ZNF626: variants seen among roughly 807,000 people sequenced by gnomAD.
ZNF626 encodes the protein zinc finger protein 626, also known as CTC-513N18.7.
A neutral mutation model predicts 11.7 loss-of-function variants in ZNF626; 4 were observed. The ratio of observed to expected loss-of-function variants is 0.34; its 90% CI spans 0.17 to 0.78. The LOEUF (loss-of-function observed/expected upper bound fraction) is 0.78. ZNF626 is among the 30% of genes least tolerant of loss of function. ZNF626 has a pLI of 0.57. For missense variants in ZNF626, 588 were observed against 587.1 expected (o/e 1.00, Z -0.01); for synonymous variants, 179 against 198.6 (o/e 0.90, Z 0.83).
chr19:20,658,112 G>GA (rs797035719), intron 1 of ZNF626, among the ~76,000 whole-genome samples: 2,743 of 142,532 alleles, frequency 0.019, 102 homozygotes, highest in African/African-American at 0.067. Flanking sequence ...GCTAAAAAAA[G>GA]AAAAAAAAAA....
At chr19:20,652,970 C>G (rs1019973708) in intron 1 of ZNF626, among the ~76,000 whole-genome samples, 10 of 152,140 alleles carry the variant, frequency 6.6e-5, no homozygotes, top group Non-Finnish European at 1.3e-4. Context: ...AAAAGAGTCA[C>G]TGAAAGAGGT....
At position 20,625,077 on chromosome 19, in the gene ZNF626, A is replaced by AT; in HGVS notation, c.799dup (p.Met267AsnfsTer7). The AT allele has an allele frequency of 6.2e-7, 1 of 1,607,040 alleles. No homozygotes were observed. The highest frequency in any genetic ancestry group is 1.7e-5 in the Admixed American group (1 of 59,398). On this transcript the variant is annotated frameshift_variant, in exon 4 of 4. Transcript: ENST00000601440. LOFTEE classifies it low-confidence loss of function (END_TRUNC). ...ATGTTTACTAAGGGTTGAGGATGAC[A>AT]TAAAGGCTTTGCCACATTTATCACA...
At chr19:20,625,875 AC>A (rs1294489755) in intron 3 of ZNF626, among the ~76,000 whole-genome samples, 1 of 152,182 alleles carries the variant, frequency 6.6e-6, no homozygotes. Flanking sequence ...CCAGGTGAGC[AC>A]AATGCAAACG....
Position 20,623,997 on chromosome 19 carries a change from T to C in ZNF626, c.*293A>G. The C allele has an allele frequency of 1.8e-6, 1 of 564,332 alleles. No individual in the cohort carries two copies. The highest frequency in any genetic ancestry group is 3.3e-5 in the East Asian group (1 of 30,058). The allele number at this position is 564,332 out of a possible 1,614,324, so 35.0% of individuals were successfully genotyped here. On this transcript the variant is annotated 3_prime_UTR_variant, in exon 4 of 4. Transcript: ENST00000601440. ...AAATTGAGGGCTGGTTAAAAGATTT[T>C]CCCCATTCATCACATTCACATGGTT... is the stretch of plus-strand genomic sequence containing the variant.
intron 3 of ZNF626, among the ~76,000 whole-genome samples, chr19:20,629,873 G>A (rs527740503): frequency 1.3e-5 from 2 of 152,294 alleles, no homozygotes; most frequent in South Asian, 4.1e-4. Context: ...CAAAGGACAT[G>A]CTTCCAGTTT....
intron 1 of ZNF626, among the ~76,000 whole-genome samples, chr19:20,656,560 C>G (rs7246297): frequency 0.011 from 1,614 of 151,872 alleles, 28 homozygotes; most frequent in African/African-American, 0.037. Flanking sequence ...GTCTAACATA[C>G]AGAATTTATT....
At position 20,623,939 on chromosome 19, in the gene ZNF626, TAG is replaced by T. The variant is rs782680513; in HGVS notation, c.*349_*350del. 3.8e-4 allele frequency: 150 copies of T among 393,396 alleles called. No individual in the cohort carries two copies. The highest frequency in any genetic ancestry group is 1.1e-3 in the Middle Eastern group (3 of 2,682). The allele number at this position is 393,396 out of a possible 1,614,324, so 24.4% of individuals were successfully genotyped here. A position where few individuals can be genotyped will look rare whatever the true frequency, so the allele number is the denominator to read the frequency against. On this transcript the variant is annotated 3_prime_UTR_variant, in exon 4 of 4. Transcript: ENST00000601440. ...AAATCTGTCACATTCTTTATATTTG[TAG>T]AGTTTATATTTCATATCAATTCTTA...
intron 1 of ZNF626, among the ~76,000 whole-genome samples, chr19:20,655,131 A>G (rs749443414): frequency 1.7e-4 from 26 of 152,178 alleles, no homozygotes; most frequent in Non-Finnish European, 2.8e-4. Context: ...AAATGAAAAT[A>G]TGGTTTAATT....
intron 1 of ZNF626, among the ~76,000 whole-genome samples, chr19:20,661,069 G>A (rs1272313989): frequency 6.6e-6 from 1 of 152,208 alleles, no homozygotes; most frequent in African/African-American, 2.4e-5. Flanking sequence ...GGAGAAAAGA[G>A]AAACTGTAAA....
intron 3 of ZNF626, among the ~76,000 whole-genome samples, chr19:20,639,394 T>C (rs1322080008): frequency 2.6e-5 from 4 of 151,614 alleles, no homozygotes; most frequent in African/African-American, 9.7e-5. Flanking sequence ...CAAAATATTC[T>C]TATTTGCATC....
chr19:20,640,344 G>A (rs1168711707), intron 3 of ZNF626, among the ~76,000 whole-genome samples: 1 of 113,916 alleles, frequency 8.8e-6, no homozygotes, highest in Non-Finnish European at 1.7e-5. Context: ...CATGACACTG[G>A]TTTGGCACAA....
intron 1 of ZNF626, among the ~76,000 whole-genome samples, chr19:20,660,593 T>G (rs1289412743): frequency 6.6e-6 from 1 of 152,012 alleles, no homozygotes; most frequent in Admixed American, 6.6e-5. Flanking sequence ...CGCCGATAGT[T>G]TTCGTATTTT....
At chr19:20,628,552 C>G (rs1169648864) in intron 3 of ZNF626, among the ~76,000 whole-genome samples, 5 of 152,092 alleles carry the variant, frequency 3.3e-5, no homozygotes, top group African/African-American at 1.2e-4. Flanking sequence ...ATTTTTTCAT[C>G]TGTTTTTTTG....
intron 3 of ZNF626, among the ~76,000 whole-genome samples, chr19:20,639,905 A>AT (rs1970005112): frequency 6.6e-6 from 1 of 152,168 alleles, no homozygotes; most frequent in Non-Finnish European, 1.5e-5. Context: ...AAAAAATTTC[A>AT]TTTTTCACAA....
chr19:20,625,039 T>A lies in ZNF626; in HGVS notation c.838A>T (p.Thr280Ser), dbSNP rs371610322. Residue 280 changes from threonine to serine, a missense_variant, in exon 4 of 4, where the codon ACG becomes TCG. Coordinates refer to ENST00000601440, the MANE Select transcript of ZNF626 (RefSeq NM_001076675.3). ...TCACATTTGTAGGGTTTCTTTTCCG[T>A]ATGAATTATCTCATGTTTACTAAGG... ...STLSKHEIIH[T>S]EKKPYKCEEC... 37 of 1,613,788 alleles carry A rather than the reference T, an allele frequency of 2.3e-5. No homozygotes were observed. The highest frequency in any genetic ancestry group is 3.0e-5 in the Non-Finnish European group (35 of 1,180,002).
intron 3 of ZNF626, chr19:20,645,340 T>A: frequency 1.3e-6 from 2 of 1,568,356 alleles, no homozygotes; most frequent in Non-Finnish European, 1.7e-6. Flanking sequence ...CTCAAAATCA[T>A]GCAGACATTT....
rs886166627 is a variant in ZNF626, at chr19:20,661,546, C to T, written c.-100G>A. The T allele has an allele frequency of 1.3e-5, 17 of 1,278,858 alleles. 1 individual carries two copies. Among genetic ancestry groups the T allele is most frequent in the Non-Finnish European group, 1.8e-5 (16 of 906,784 alleles). The allele number at this position is 1,278,858 out of a possible 1,614,324, so 79.2% of individuals were successfully genotyped here. On this transcript the variant is annotated 5_prime_UTR_variant, in exon 1 of 4. Coordinates refer to ENST00000601440, the MANE Select transcript of ZNF626 (RefSeq NM_001076675.3). ...TGGGCCTTTAGGAGAAGAACCAGAC[C>T]TGGAGCTCTGACTGCAGCGAGAGAC...
rs1324177955 is a variant in ZNF626 at position 20,645,744 on chromosome 19, G to A, written c.166C>T (p.Leu56=). The A allele has an allele frequency of 4.3e-6, 7 of 1,611,490 alleles. No individual in the cohort carries two copies. Among genetic ancestry groups the A allele is most frequent in the African/African-American group, 2.7e-5 (2 of 74,744 alleles). ...TVSKPDLITC[L]EQGRKPLTMK... is the part of the protein sequence containing the mutation. ...GTCAAAGGTTTTCTTCCTTGCTCCAGACAGGTGATCAGGTCTGGCTTAGAA... is the reference window on the plus strand; with the variant it reads ...GTCAAAGGTTTTCTTCCTTGCTCCAAACAGGTGATCAGGTCTGGCTTAGAA... The change falls in exon 3 of 4, where the codon CTG becomes TTG. Residue 56 remains leucine, a synonymous_variant. Transcript: ENST00000601440.
In ZNF626 at chr19:20,623,953, C is replaced by T; in HGVS notation, c.*337G>A. ...CTTTATATTTGTAGAGTTTATATTT[C>T]ATATCAATTCTTAGTTAGAAATTGA... is the stretch of plus-strand genomic sequence containing the variant. On this transcript the variant is annotated 3_prime_UTR_variant, in exon 4 of 4. Transcript: ENST00000601440. The T allele has an allele frequency of 2.9e-6, 1 of 339,082 alleles. No individual in the cohort carries two copies. Among genetic ancestry groups the T allele is most frequent in the Non-Finnish European group, 5.5e-6 (1 of 181,792 alleles). The allele number at this position is 339,082 out of a possible 1,614,324, so 21.0% of individuals were successfully genotyped here. A position where few individuals can be genotyped will look rare whatever the true frequency, so the allele number is the denominator to read the frequency against.
Sources: gnomAD v4.1 joint callset for allele counts (sites outside exome capture counted in the v4.1 genomes callset) on GRCh38, gnomAD v4.1.1 for gene constraint, MANE v1.5 for transcripts, NCBI Gene and HGNC (gene_info 2026-07-23, HGNC 2026-07-21) for gene names.